The following TMEM132D variants were observed in gnomAD, a reference collection of about 807,000 sequenced individuals.
TMEM132D encodes transmembrane protein 132D, also known as mature OL transmembrane protein.
In TMEM132D, 21 loss-of-function variants were observed where a neutral mutation model predicts 62.3. The ratio of observed to expected loss-of-function variants is 0.34; its 90% CI spans 0.24 to 0.49. TMEM132D has a LOEUF of 0.49. TMEM132D is among the 20% of genes least tolerant of loss of function. The pLI is 0.99. For missense variants in TMEM132D, 1,346 were observed against 1,402.8 expected (o/e 0.96, Z 0.65); for synonymous variants, 621 against 575.6 (o/e 1.08, Z -1.13).
intron 2 of TMEM132D, among the ~76,000 whole-genome samples, chr12:129,657,818 C>A (rs890510766): frequency 1.3e-5 from 2 of 152,204 alleles, no homozygotes; most frequent in Non-Finnish European, 2.9e-5. Flanking sequence ...GTTTAATTTT[C>A]TGAGCTTCTA....
intron 5 of TMEM132D, among the ~76,000 whole-genome samples, chr12:129,203,591 C>T (rs1878766406): frequency 6.6e-6 from 1 of 152,218 alleles, no homozygotes; most frequent in Admixed American, 6.5e-5. Context: ...AATGGTCCTA[C>T]TTCTGCCTAA....
chr12:129,330,132 A>G (rs1465823186), intron 4 of TMEM132D, among the ~76,000 whole-genome samples: 1 of 152,154 alleles, frequency 6.6e-6, no homozygotes, highest in Non-Finnish European at 1.5e-5. Context: ...CGATTACATG[A>G]TTGTAATCCC....
At chr12:129,901,540 T>C (rs1158967559) in intron 1 of TMEM132D, among the ~76,000 whole-genome samples, 2 of 152,230 alleles carry the variant, frequency 1.3e-5, no homozygotes, top group Non-Finnish European at 2.9e-5. Context: ...AAATATGTCA[T>C]ATGCTAGGCT....
intron 4 of TMEM132D, among the ~76,000 whole-genome samples, chr12:129,249,101 T>A (rs1880198740): frequency 6.6e-6 from 1 of 152,124 alleles, no homozygotes; most frequent in Admixed American, 6.5e-5. Context: ...AACTATCTCA[T>A]CCTCAAAGAT....
chr12:129,832,035 C>CTTTTTTTTTTTTT lies in TMEM132D; in HGVS notation c.79+71213_79+71225dup, dbSNP rs71085577. ...CAGGCACCTGCCACCATGCCCGGCT[C>CTTTTTTTTTTTTT]TTTTTTTTTTTTTTTTTTTTTTTTT... On this transcript the variant is annotated intron_variant, in intron 1 of 8. Coordinates refer to ENST00000422113, the MANE Select transcript of TMEM132D (RefSeq NM_133448.3). 6.4e-5 allele frequency among the ~76,000 whole-genome samples: 6 copies of CTTTTTTTTTTTTT among 94,174 alleles called. 1 individual carries two copies. Among genetic ancestry groups the CTTTTTTTTTTTTT allele is most frequent in the East Asian group, 6.5e-4 (2 of 3,094 alleles). 61.8% of individuals were successfully genotyped at this position (94,174 alleles called of 152,430 possible).
At chr12:129,393,339 G>A (rs1213002496) in intron 3 of TMEM132D, among the ~76,000 whole-genome samples, 1 of 152,226 alleles carries the variant, frequency 6.6e-6, no homozygotes, top group Non-Finnish European at 1.5e-5. Context: ...TATCCAGGAT[G>A]TTGTTTAAAA....
chr12:129,632,399 T>C (rs1565929863), intron 2 of TMEM132D, among the ~76,000 whole-genome samples: 1 of 152,246 alleles, frequency 6.6e-6, no homozygotes, highest in Non-Finnish European at 1.5e-5. Context: ...TACTCAGTTC[T>C]GATGAGATTA....
chr12:129,358,295 T>A (rs1205317645), intron 3 of TMEM132D, among the ~76,000 whole-genome samples: 2 of 152,164 alleles, frequency 1.3e-5, no homozygotes, highest in African/African-American at 4.8e-5. Flanking sequence ...TCCAATGACA[T>A]TTCTGGAACC....
At chr12:129,524,802 C>A (rs144585241) in intron 3 of TMEM132D, among the ~76,000 whole-genome samples, 219 of 151,616 alleles carry the variant, frequency 1.4e-3, no homozygotes, top group African/African-American at 5.1e-3. Flanking sequence ...TTGCAGTGAG[C>A]GGAGACTGCG....
intron 4 of TMEM132D, among the ~76,000 whole-genome samples, chr12:129,218,328 G>A (rs1381173885): frequency 6.6e-6 from 1 of 152,156 alleles, no homozygotes; most frequent in African/African-American, 2.4e-5. Context: ...ATTGTTAGGC[G>A]ATTTCATCGT....
chr12:129,453,287 A>G (rs1337212642), intron 3 of TMEM132D, among the ~76,000 whole-genome samples: 1 of 152,172 alleles, frequency 6.6e-6, no homozygotes, highest in African/African-American at 2.4e-5. Flanking sequence ...CTACTAAACG[A>G]AGCCCATATC....
At chr12:129,719,487 T>C (rs1319473820) in intron 1 of TMEM132D, among the ~76,000 whole-genome samples, 1 of 152,234 alleles carries the variant, frequency 6.6e-6, no homozygotes, top group Non-Finnish European at 1.5e-5. Flanking sequence ...CTCCTGTCTA[T>C]AAAGTTCTGA....
intron 5 of TMEM132D, among the ~76,000 whole-genome samples, chr12:129,130,956 A>G (rs1177332932): frequency 6.6e-6 from 1 of 152,154 alleles, no homozygotes; most frequent in African/African-American, 2.4e-5. Flanking sequence ...CCATTCCCAG[A>G]GGTTCTGATT....
At chr12:129,231,981 A>T (rs1182243503) in intron 4 of TMEM132D, among the ~76,000 whole-genome samples, 1 of 152,216 alleles carries the variant, frequency 6.6e-6, no homozygotes, top group Admixed American at 6.5e-5. Context: ...AGTGGGACAC[A>T]GGCACCAGTA....
chr12:129,832,885 C>T (rs959481822), intron 1 of TMEM132D, among the ~76,000 whole-genome samples: 3 of 152,174 alleles, frequency 2.0e-5, no homozygotes. Context: ...CAGTTTCAAC[C>T]CCTTCAATCC....
chr12:129,422,670 T>C (rs1400620973), intron 3 of TMEM132D, among the ~76,000 whole-genome samples: 1 of 152,036 alleles, frequency 6.6e-6, no homozygotes, highest in Non-Finnish European at 1.5e-5. Flanking sequence ...CTTTGAGCCA[T>C]AAATCTCACT....
At chr12:129,125,770 A>C (rs1165195676) in intron 5 of TMEM132D, among the ~76,000 whole-genome samples, 1 of 151,904 alleles carries the variant, frequency 6.6e-6, no homozygotes, top group East Asian at 1.9e-4. Context: ...CCCAAAGCGC[A>C]CTGTGAACAT....
chr12:129,096,055 AG>A (rs1875105561), intron 5 of TMEM132D, among the ~76,000 whole-genome samples: 1 of 152,124 alleles, frequency 6.6e-6, no homozygotes, highest in Non-Finnish European at 1.5e-5. Flanking sequence ...GAGGTGTTAA[AG>A]CTGCCATCGA....
rs139250269 is a variant in TMEM132D, at chr12:129,638,248, G to C, written c.968+61562C>G. Among the ~76,000 whole-genome samples the C allele has an allele frequency of 2.9e-3, 445 of 152,164 alleles. 2 individuals are homozygous for C. Among genetic ancestry groups the C allele is most frequent in the African/African-American group, 0.01 (419 of 41,514 alleles). On this transcript the variant is annotated intron_variant, in intron 2 of 8. Coordinates refer to ENST00000422113, the MANE Select transcript of TMEM132D (RefSeq NM_133448.3). ...CTGTTTGGTCTGTTAGCATCATCAT[G>C]GTTTCACCATATCACATGGGAAGCC...
Sources: gnomAD v4.1 joint callset for allele counts (sites outside exome capture counted in the v4.1 genomes callset) on GRCh38, gnomAD v4.1.1 for gene constraint, MANE v1.5 for transcripts, NCBI Gene and HGNC (gene_info 2026-07-23, HGNC 2026-07-21) for gene names.